RMDN2: variants seen among roughly 807,000 people sequenced by gnomAD.
RMDN2 encodes regulator of microtubule dynamics 2.
A neutral mutation model predicts 52.8 loss-of-function variants in RMDN2; 61 were observed. The observed-to-expected ratio is 1.16, with a 90% CI of 0.94 to 1.43. RMDN2 has a LOEUF of 1.43. Among genes scored for constraint, RMDN2 ranks in the 40% most tolerant of loss-of-function variants. The pLI is 0.00. For synonymous variants in RMDN2, 180 were observed against 153.1 expected, an observed-to-expected ratio of 1.18 and a Z score of -1.30; for missense variants, 592 against 475.3, an observed-to-expected ratio of 1.25 and a Z score of -2.28.
chr2:38,037,560 A>G (rs781647614), intron 10 of RMDN2, among the ~76,000 whole-genome samples: 2 of 152,232 alleles, frequency 1.3e-5, no homozygotes, highest in Non-Finnish European at 2.9e-5. Flanking sequence ...TCAAGTCATC[A>G]CATAGCAAAC....
intron 2 of RMDN2, among the ~76,000 whole-genome samples, chr2:37,940,709 C>A (rs1442598408): frequency 6.6e-6 from 1 of 152,070 alleles, no homozygotes; most frequent in African/African-American, 2.4e-5. Flanking sequence ...TCACAAAGTT[C>A]TTGTGCTGTG....
At chr2:37,929,865 G>A in intron 2 of RMDN2, 136 bp downstream of exon 2, 1 of 619,486 alleles carries the variant, frequency 1.6e-6, no homozygotes, top group East Asian at 2.9e-5. Context: ...TTTTGACTTA[G>A]ATTATAATTA....
intron 5 of RMDN2, among the ~76,000 whole-genome samples, chr2:37,981,956 T>C (rs1489432200): frequency 6.6e-6 from 1 of 152,154 alleles, no homozygotes; most frequent in Non-Finnish European, 1.5e-5. Context: ...TCTTCCTTTT[T>C]CTTGTAGTTG....
intron 4 of RMDN2, among the ~76,000 whole-genome samples, chr2:37,978,623 C>T (rs911808758): frequency 2.0e-5 from 3 of 151,086 alleles, no homozygotes; most frequent in Admixed American, 6.6e-5. Context: ...CTCAGAAGCC[C>T]GAGACCAGCC....
chr2:37,967,153 G>C (rs1232794234), intron 2 of RMDN2, among the ~76,000 whole-genome samples: 3 of 152,072 alleles, frequency 2.0e-5, no homozygotes, highest in Admixed American at 1.3e-4. Flanking sequence ...TTTTGTTTGT[G>C]TCCTCTAATT....
intron 8 of RMDN2, among the ~76,000 whole-genome samples, chr2:37,999,849 T>C (rs1252062500): frequency 1.3e-5 from 2 of 152,034 alleles, no homozygotes; most frequent in Non-Finnish European, 2.9e-5. Flanking sequence ...AGGTTTGGAG[T>C]TGACAAGTGA....
At position 37,988,600 on chromosome 2, in the gene RMDN2, A is replaced by AT. The variant is rs767340393; in HGVS notation, c.792-941_792-940insT. 5.8e-3 allele frequency among the ~76,000 whole-genome samples: 882 copies of AT among 152,268 alleles called. 11 individuals carry two copies. The South Asian group carries it at 0.059, about 10-fold the overall frequency. On this transcript the variant is annotated intron_variant, in intron 5 of 10. Coordinates refer to ENST00000354545, the MANE Select transcript of RMDN2 (RefSeq NM_001170791.3). ...TTATTCACTGTTTTTTTGTACTTGG[A>AT]AGTTATGGATATTCATAGAAATGGC...
intron 2 of RMDN2, among the ~76,000 whole-genome samples, chr2:37,943,321 G>C (rs953558926): frequency 3.3e-5 from 5 of 152,206 alleles, no homozygotes; most frequent in Non-Finnish European, 7.3e-5. Context: ...CAGGGAACCA[G>C]AGGACCAAGG....
At chr2:38,005,484 T>G (rs191544556) in intron 10 of RMDN2, among the ~76,000 whole-genome samples, 60,683 of 147,962 alleles carry the variant, frequency 0.41, 11,955 homozygotes, top group East Asian at 0.8. Context: ...GTGTCTTTTG[T>G]CTGCATAAAT....
intron 10 of RMDN2, among the ~76,000 whole-genome samples, chr2:38,004,636 C>G (rs1212936804): frequency 1.3e-5 from 2 of 152,106 alleles, no homozygotes; most frequent in Non-Finnish European, 2.9e-5. Context: ...ATTTCTCCCA[C>G]TCTTCCAGCC....
chr2:37,961,216 C>G (rs541942743), intron 2 of RMDN2, among the ~76,000 whole-genome samples: 1 of 152,012 alleles, frequency 6.6e-6, no homozygotes, highest in East Asian at 1.9e-4. Flanking sequence ...CTGTATTTTC[C>G]GAATTTGAGT....
In RMDN2 at chr2:38,045,004, A is replaced by ATT. The variant is rs140336253; in HGVS notation, c.1714-21969_1714-21968dup. Among the ~76,000 whole-genome samples the ATT allele has an allele frequency of 4.5e-4, 68 of 149,820 alleles. No homozygotes were observed. In the East Asian group the frequency reaches 8.8e-3, roughly 19 times the overall value. ...ATGCATTCAAGCTCTTATTCTAGAT[A>ATT]TTTTTTTTTTCTGTTTTATGGTATC... is the stretch of plus-strand genomic sequence containing the variant. On this transcript the variant is annotated intron_variant, in intron 10 of 10. Transcript: ENST00000234195.
At chr2:37,935,341 A>G (rs1446900655) in intron 2 of RMDN2, among the ~76,000 whole-genome samples, 1 of 152,246 alleles carries the variant, frequency 6.6e-6, no homozygotes, top group African/African-American at 2.4e-5. Context: ...AAATATAGAC[A>G]GTGCTTTTTG....
chr2:37,968,461 A>AGAAAGTCT (rs67447389), intron 2 of RMDN2, among the ~76,000 whole-genome samples: 2 of 143,832 alleles, frequency 1.4e-5, no homozygotes. Context: ...AAAAAAAAAA[A>AGAAAGTCT]GAAAGTCTGT....
At chr2:37,987,543 G>A (rs1674192103) in intron 5 of RMDN2, among the ~76,000 whole-genome samples, 1 of 152,126 alleles carries the variant, frequency 6.6e-6, no homozygotes, top group African/African-American at 2.4e-5. Context: ...CGGGGAGGGA[G>A]GGATGAATAA....
Position 38,017,298 on chromosome 2 carries a change from A to G in RMDN2, c.*59A>G, listed in dbSNP as rs1486111253. 4.8e-6 allele frequency: 7 copies of G among 1,473,336 alleles called. No homozygotes were observed. In the African/African-American group the frequency reaches 8.5e-5, roughly 18 times the overall value. 91.3% of individuals were successfully genotyped at this position (1,473,336 alleles called of 1,614,324 possible). A position where few individuals can be genotyped will look rare whatever the true frequency, so the allele number is the denominator to read the frequency against. On this transcript the variant is annotated 3_prime_UTR_variant, in exon 11 of 11. Coordinates refer to ENST00000354545, the MANE Select transcript of RMDN2 (RefSeq NM_001170791.3). ...GGTCTACCAAAATTTAAATGAATCA[A>G]AGTTGTGCTTTTATTATCCTTCATT...
intron 2 of RMDN2, among the ~76,000 whole-genome samples, chr2:37,969,519 G>T (rs1041735300): frequency 1.3e-5 from 2 of 151,340 alleles, no homozygotes; most frequent in Admixed American, 1.3e-4. Context: ...GTTTTATAGA[G>T]TATAAGAACA....
At chr2:37,935,398 G>A (rs977055236) in intron 2 of RMDN2, among the ~76,000 whole-genome samples, 1 of 152,176 alleles carries the variant, frequency 6.6e-6, no homozygotes, top group Non-Finnish European at 1.5e-5. Flanking sequence ...TGTCAGGTCC[G>A]TTTTAATGTG....
At chr2:37,992,175 C>T (rs1674892233) in intron 7 of RMDN2, among the ~76,000 whole-genome samples, 1 of 152,300 alleles carries the variant, frequency 6.6e-6, no homozygotes, top group East Asian at 1.9e-4. Flanking sequence ...TCTGAGTCTT[C>T]ATGATGTTAA....
Sources: gnomAD v4.1 joint callset for allele counts (sites outside exome capture counted in the v4.1 genomes callset) on GRCh38, gnomAD v4.1.1 for gene constraint, MANE v1.5 for transcripts, NCBI Gene and HGNC (gene_info 2026-07-23, HGNC 2026-07-21) for gene names.